STXBP5L: variants seen among roughly 807,000 people sequenced by gnomAD.
STXBP5L encodes syntaxin binding protein 5L, also known as syntaxin-binding protein 5-like.
In STXBP5L, 65 loss-of-function variants were observed where a neutral mutation model predicts 144.5. The ratio of observed to expected loss-of-function variants is 0.45; its 90% CI spans 0.37 to 0.55. The LOEUF is 0.55. Among genes scored for constraint, STXBP5L ranks in the 20% least tolerant of loss-of-function variants. The probability of loss-of-function intolerance (pLI) is 0.00; values close to 1 mark genes in which losing one functional copy is unlikely to be tolerated. For missense variants in STXBP5L, 1,298 were observed against 1,405.5 expected (o/e 0.92, Z 1.22); for synonymous variants, 505 against 469.6 (o/e 1.08, Z -0.97).
intron 5 of STXBP5L, among the ~76,000 whole-genome samples, chr3:121,067,268 G>A (rs925113621): frequency 7.9e-5 from 12 of 151,710 alleles, no homozygotes; most frequent in Non-Finnish European, 1.3e-4. Flanking sequence ...TCTTTAATAT[G>A]TGACTTTAGG....
chr3:121,053,069 C>G (rs910167272), intron 5 of STXBP5L, among the ~76,000 whole-genome samples: 4 of 152,140 alleles, frequency 2.6e-5, no homozygotes, highest in Non-Finnish European at 4.4e-5. Flanking sequence ...AGGAGAACTA[C>G]AAACCACTGC....
At chr3:121,202,981 T>G (rs1377989942) in intron 9 of STXBP5L, among the ~76,000 whole-genome samples, 2 of 151,980 alleles carry the variant, frequency 1.3e-5, no homozygotes, top group Non-Finnish European at 2.9e-5. Context: ...CTTTCTTTCC[T>G]TTTCTTCTAT....
At chr3:121,356,799 G>C (rs1325426558) in intron 20 of STXBP5L, among the ~76,000 whole-genome samples, 1 of 152,126 alleles carries the variant, frequency 6.6e-6, no homozygotes, top group African/African-American at 2.4e-5. Context: ...GCAGACCAGA[G>C]CTGTTCCTAT....
At chr3:120,974,259 T>C (rs1399615513) in intron 3 of STXBP5L, among the ~76,000 whole-genome samples, 4 of 152,148 alleles carry the variant, frequency 2.6e-5, no homozygotes, top group Admixed American at 2.0e-4. Context: ...TGGTATCTCA[T>C]TGTGGTTTTG....
chr3:121,126,025 T>C (rs138483441), intron 7 of STXBP5L, among the ~76,000 whole-genome samples: 3 of 152,266 alleles, frequency 2.0e-5, no homozygotes, highest in African/African-American at 7.2e-5. Context: ...TCTCTTCTGC[T>C]TCTCCCCATG....
At chr3:121,407,819 T>C (rs1251721477) in intron 23 of STXBP5L, among the ~76,000 whole-genome samples, 1 of 152,022 alleles carries the variant, frequency 6.6e-6, no homozygotes, top group Non-Finnish European at 1.5e-5. Context: ...ATGCTTGGCA[T>C]TGTGAGTGAA....
chr3:121,319,603 C>T (rs1256182542), intron 20 of STXBP5L, among the ~76,000 whole-genome samples: 1 of 152,128 alleles, frequency 6.6e-6, no homozygotes, highest in East Asian at 1.9e-4. Flanking sequence ...GACACCAACC[C>T]AATTTAGGTA....
intron 12 of STXBP5L, among the ~76,000 whole-genome samples, chr3:121,238,564 T>G (rs1160321054): frequency 6.6e-6 from 1 of 152,162 alleles, no homozygotes; most frequent in African/African-American, 2.4e-5. Flanking sequence ...CAAAATTTAC[T>G]TATATTTTAA....
chr3:120,999,496 C>T (rs550344815), intron 3 of STXBP5L, among the ~76,000 whole-genome samples: 2 of 152,284 alleles, frequency 1.3e-5, no homozygotes, highest in South Asian at 2.1e-4. Flanking sequence ...TCGAAGACAG[C>T]GTACAGTTGG....
intron 13 of STXBP5L, 67 bp from the exon 14 acceptor site, chr3:121,240,373 T>A: frequency 7.1e-7 from 1 of 1,413,908 alleles, no homozygotes; most frequent in Non-Finnish European, 9.8e-7. Flanking sequence ...TATTTTAAGC[T>A]ATTTTCATTT....
intron 3 of STXBP5L, among the ~76,000 whole-genome samples, chr3:121,007,513 A>G (rs1170945532): frequency 6.6e-6 from 1 of 152,010 alleles, no homozygotes. Flanking sequence ...TTTGGGTATG[A>G]ATTTTTTTCT....
chr3:121,241,953 C>T (rs2049685621), intron 14 of STXBP5L, among the ~76,000 whole-genome samples: 1 of 152,110 alleles, frequency 6.6e-6, no homozygotes, highest in Admixed American at 6.6e-5. Context: ...GAGTTTTCAT[C>T]AGAAACCCTG....
At chr3:121,193,754 A>G (rs1485386783) in intron 9 of STXBP5L, among the ~76,000 whole-genome samples, 2 of 152,152 alleles carry the variant, frequency 1.3e-5, no homozygotes, top group Non-Finnish European at 2.9e-5. Context: ...GTTCTCACTC[A>G]TAGGTGGGAA....
At chr3:120,940,675 TC>T (rs1710523867) in intron 2 of STXBP5L, among the ~76,000 whole-genome samples, 1 of 151,686 alleles carries the variant, frequency 6.6e-6, no homozygotes, top group Non-Finnish European at 1.5e-5. Flanking sequence ...TAGAGCACTA[TC>T]TGGCTACATG....
intron 3 of STXBP5L, among the ~76,000 whole-genome samples, chr3:121,015,534 T>C (rs183520531): frequency 6.6e-6 from 1 of 152,122 alleles, no homozygotes; most frequent in Non-Finnish European, 1.5e-5. Context: ...GGGTGCTGAA[T>C]GTGGGACTAG....
chr3:121,048,327 C>T (rs1947667942), intron 5 of STXBP5L, among the ~76,000 whole-genome samples: 1 of 152,038 alleles, frequency 6.6e-6, no homozygotes, highest in Admixed American at 6.6e-5. Context: ...GTGTCTTGGC[C>T]ATGGTCTTTT....
chr3:121,370,070 T>C (rs138088152), intron 20 of STXBP5L, among the ~76,000 whole-genome samples: 2 of 152,198 alleles, frequency 1.3e-5, no homozygotes, highest in African/African-American at 4.8e-5. Flanking sequence ...TACGCTTGTT[T>C]AAAAGTGGGT....
chr3:121,092,072 G>T (rs1221483136), intron 5 of STXBP5L, among the ~76,000 whole-genome samples: 1 of 152,156 alleles, frequency 6.6e-6, no homozygotes, highest in African/African-American at 2.4e-5. Flanking sequence ...GTTTGTCAAA[G>T]ATCAGATAGT....
intron 6 of STXBP5L, among the ~76,000 whole-genome samples, chr3:121,115,280 A>C (rs1250208134): frequency 1.3e-5 from 2 of 152,284 alleles, no homozygotes; most frequent in Admixed American, 6.5e-5. Context: ...TTTATATCTA[A>C]AAATGTGATG....
Sources: gnomAD v4.1 joint callset for allele counts (sites outside exome capture counted in the v4.1 genomes callset) on GRCh38, gnomAD v4.1.1 for gene constraint, MANE v1.5 for transcripts, NCBI Gene and HGNC (gene_info 2026-07-23, HGNC 2026-07-21) for gene names.